FDFT1: variants seen among roughly 807,000 people sequenced by gnomAD.
The protein encoded by FDFT1 is farnesyl-diphosphate farnesyltransferase 1, also known as squalene synthase.
Under a neutral mutation model 46.8 loss-of-function variants are expected in FDFT1, and 68 were observed. That is an observed-to-expected ratio of 1.45 (90% CI 1.19 to 1.78). FDFT1 has a LOEUF of 1.78. Ranked by LOEUF, FDFT1 falls within the 40% of genes most tolerant of loss-of-function variation. FDFT1 has a pLI of 0.00. For missense variants in FDFT1, 928 were observed against 524.4 expected, an observed-to-expected ratio of 1.77 and a Z score of -7.52; for synonymous variants, 351 against 185.1, an observed-to-expected ratio of 1.90 and a Z score of -7.28.
chr8:11,813,450 A>G (rs1267418850), intron 3 of FDFT1, among the ~76,000 whole-genome samples: 1 of 152,248 alleles, frequency 6.6e-6, no homozygotes, highest in Non-Finnish European at 1.5e-5. Context: ...ATTACCTAGT[A>G]CATAATGTAC....
At chr8:11,813,354 A>T (rs1349109068) in intron 3 of FDFT1, among the ~76,000 whole-genome samples, 1 of 152,180 alleles carries the variant, frequency 6.6e-6, no homozygotes. Context: ...CTTATTGAGC[A>T]TTTTACTATG....
At chr8:11,801,142 G>A (rs1319768193), upstream of FDFT1, among the ~76,000 whole-genome samples, 1 of 152,130 alleles carries the variant, frequency 6.6e-6, no homozygotes, top group Non-Finnish European at 1.5e-5. Flanking sequence ...GGGGGATAGT[G>A]CAGGAATAGT....
At chr8:11,835,205 A>T (rs537809335) in intron 7 of FDFT1, among the ~76,000 whole-genome samples, 3 of 152,210 alleles carry the variant, frequency 2.0e-5, no homozygotes. Context: ...TGACAAGCAG[A>T]TGTAACTCCT....
chr8:11,837,353 C>T (rs763105920), intron 7 of FDFT1, among the ~76,000 whole-genome samples: 1 of 152,218 alleles, frequency 6.6e-6, no homozygotes, highest in Non-Finnish European at 1.5e-5. Context: ...ACCCCAGTCC[C>T]CAAGTAGCTG....
rs780588513 is a variant in FDFT1 at position 11,831,642 on chromosome 8, A to C, written c.1004A>C (p.Lys335Thr). 1 of 1,614,108 alleles carries C rather than the reference A, an allele frequency of 6.2e-7. No individual in the cohort carries two copies. The highest frequency in any genetic ancestry group is 1.1e-5 in the South Asian group (1 of 91,084). The change falls in exon 7 of 8, where the codon AAA (lysine) becomes ACA (threonine). Residue 335 changes from lysine (K) to threonine (T), a missense_variant. Physicochemically the swap from Lys to Thr is moderately conservative, Grantham distance 78. Transcript: ENST00000220584. ...GATGCCACCAATATGCCAGCTGTCAAAGCCATCATATATCAGTATATGGAA... is the reference window on the plus strand; with the variant it reads ...GATGCCACCAATATGCCAGCTGTCACAGCCATCATATATCAGTATATGGAA... ...MMDATNMPAV[K>T]AIIYQYMEEI...
At chr8:11,803,416 G>A (rs1806401090) in intron 1 of FDFT1, 2 of 1,288,474 alleles carry the variant, frequency 1.6e-6, no homozygotes, top group South Asian at 1.2e-5. Context: ...GCCTTCCATC[G>A]CTTCATCCTC....
rs1029344031 is a variant in FDFT1 at position 11,838,347 on chromosome 8, A to C, written c.1033-41A>C. 4.0e-6 allele frequency: 6 copies of C among 1,494,292 alleles called. No homozygotes were observed. In the African/African-American group the frequency reaches 8.3e-5, roughly 21 times the overall value. The allele number at this position is 1,494,292 out of a possible 1,614,324, so 92.6% of individuals were successfully genotyped here. ...GTTGTAAGTAGCCATGGAAAATGTA[A>C]AGCACATAGCACTTATCATTTTTTC... On this transcript the variant is annotated intron_variant, in intron 7 of 7. Coordinates refer to ENST00000220584, the MANE Select transcript of FDFT1 (RefSeq NM_004462.5).
chr8:11,811,317 C>T (rs1807680564), intron 3 of FDFT1, among the ~76,000 whole-genome samples: 1 of 152,198 alleles, frequency 6.6e-6, no homozygotes, highest in Non-Finnish European at 1.5e-5. Flanking sequence ...GAAGTGCATT[C>T]TCACTTAAAA....
chr8:11,836,587 C>T (rs139666881), intron 7 of FDFT1, among the ~76,000 whole-genome samples: 5 of 152,374 alleles, frequency 3.3e-5, no homozygotes, highest in East Asian at 3.9e-4. Flanking sequence ...CTTCTCCACT[C>T]GTTTCCAAAT....
chr8:11,838,069 T>C (rs1464162825), intron 7 of FDFT1, among the ~76,000 whole-genome samples: 1 of 152,180 alleles, frequency 6.6e-6, no homozygotes, highest in Admixed American at 6.5e-5. Flanking sequence ...ATGGTGACGT[T>C]TATTGGGCCT....
intron 3 of FDFT1, among the ~76,000 whole-genome samples, chr8:11,810,933 TAAA>T (rs71539744): frequency 8.7e-4 from 78 of 89,416 alleles, no homozygotes; most frequent in African/African-American, 1.6e-3. Context: ...GAGCAATATT[TAAA>T]AAAAAAAAAA....
At chr8:11,835,490 G>T (rs1811411009) in intron 7 of FDFT1, among the ~76,000 whole-genome samples, 1 of 152,170 alleles carries the variant, frequency 6.6e-6, no homozygotes, top group South Asian at 2.1e-4. Context: ...TCACAACCAA[G>T]ATTTCTCTTA....
Position 11,830,401 on chromosome 8 carries a change from A to C in FDFT1, c.860A>C (p.Asn287Thr). 1 of 1,613,518 alleles carries C rather than the reference A, an allele frequency of 6.2e-7. No individual in the cohort carries two copies. Among genetic ancestry groups the C allele is most frequent in the Non-Finnish European group, 8.5e-7 (1 of 1,179,662 alleles). ...AGACTCAGAAACCAGAGTGTGTTTA[A>C]CTTCTGTGCTATTCCACAGGTAGGG... Reference protein sequence around the residue: ...LSRLRNQSVFNFCAIPQVMAI... With the variant: ...LSRLRNQSVFTFCAIPQVMAI... The change falls in exon 6 of 8, where the codon AAC (asparagine) becomes ACC (threonine). Residue 287 changes from asparagine to threonine, a missense_variant. Transcript: ENST00000220584.
chr8:11,815,917 G>T (rs563594206), intron 3 of FDFT1, among the ~76,000 whole-genome samples: 1 of 152,130 alleles, frequency 6.6e-6, no homozygotes, highest in African/African-American at 2.4e-5. Flanking sequence ...ATTGCTTTTG[G>T]TGTTTTAGTC....
At chr8:11,803,123 T>C in intron 1 of FDFT1, 192 bp downstream of exon 1, 5 of 1,427,200 alleles carry the variant, frequency 3.5e-6, no homozygotes, top group Non-Finnish European at 4.6e-6. Context: ...CTGGCTGACC[T>C]GTCCCTGCCC....
chr8:11,831,459 G>T, intron 6 of FDFT1, 59 bp from the exon 7 acceptor site: 1 of 1,493,948 alleles, frequency 6.7e-7, no homozygotes, highest in African/African-American at 1.4e-5. Context: ...ACCTTTTTGT[G>T]ATAATGATAG....
chr8:11,798,753 T>C (rs1369956179), upstream of FDFT1, among the ~76,000 whole-genome samples: 1 of 152,226 alleles, frequency 6.6e-6, no homozygotes, highest in Non-Finnish European at 1.5e-5. Flanking sequence ...CCAATAAATA[T>C]TCATTGAGCC....
intron 7 of FDFT1, among the ~76,000 whole-genome samples, chr8:11,833,253 G>A (rs975338101): frequency 3.9e-5 from 6 of 152,180 alleles, no homozygotes; most frequent in Admixed American, 6.5e-5. Context: ...GACCAAGTAG[G>A]TGGGTAGGAG....
intron 3 of FDFT1, 105 bp downstream of exon 3, chr8:11,809,955 T>C: frequency 1.2e-6 from 1 of 854,058 alleles, no homozygotes; most frequent in Non-Finnish European, 1.8e-6. Flanking sequence ...ATAAGCATTC[T>C]GAGGGCAGCA....
Sources: allele counts gnomAD v4.1 joint callset (sites outside exome capture counted in the v4.1 genomes callset), GRCh38; gene constraint gnomAD v4.1.1; transcripts MANE v1.5; gene names NCBI Gene and HGNC (gene_info 2026-07-23, HGNC 2026-07-21).